Variants in KMO observed in about 807,000 individuals in gnomAD.
KMO encodes the protein kynurenine 3-monooxygenase.
A neutral mutation model predicts 57.8 loss-of-function variants in KMO; 24 were observed. The ratio of observed to expected loss-of-function variants is 0.42; its 90% CI spans 0.30 to 0.58. The LOEUF (loss-of-function observed/expected upper bound fraction) is 0.58, where lower values mean the gene tolerates loss of function less well. KMO is among the 20% of genes least tolerant of loss of function. The probability of loss-of-function intolerance (pLI) is 0.22; values close to 1 mark genes in which losing one functional copy is unlikely to be tolerated. For synonymous variants in KMO, 210 were observed against 193.6 expected, an observed-to-expected ratio of 1.08 and a Z score of -0.70; for missense variants, 483 against 588.2, an observed-to-expected ratio of 0.82 and a Z score of 1.85.
chr1:241,560,831 C>T (rs1661809832), intron 6 of KMO, 79 bp downstream of exon 6: 5 of 939,006 alleles, frequency 5.3e-6, no homozygotes, highest in African/African-American at 4.9e-5. Context: ...TGTTCTTTGG[C>T]TCTTTTGAAA....
chr1:241,543,013 C>T (rs1452059881), intron 1 of KMO, among the ~76,000 whole-genome samples: 1 of 152,130 alleles, frequency 6.6e-6, no homozygotes, highest in Non-Finnish European at 1.5e-5. Context: ...TTTATTTGAA[C>T]CTCCGTTACA....
At chr1:241,549,599 T>C (rs1027226181) in intron 2 of KMO, 78 bp from the exon 3 acceptor site, 4 of 797,898 alleles carry the variant, frequency 5.0e-6, no homozygotes, top group Non-Finnish European at 8.5e-6. Flanking sequence ...GAACCAGTTG[T>C]TCAGATGCAG....
intron 10 of KMO, among the ~76,000 whole-genome samples, chr1:241,574,658 A>G (rs1662438701): frequency 6.6e-6 from 1 of 151,532 alleles, no homozygotes; most frequent in African/African-American, 2.4e-5. Context: ...GTGCTGTTGG[A>G]TTTGGTTAGC....
Position 241,532,433 on chromosome 1 carries a change from A to G in KMO, c.-12A>G, listed in dbSNP as rs1660610840. On this transcript the variant is annotated 5_prime_UTR_variant, in exon 1 of 15. The change creates a new upstream start codon in the 5' untranslated region. Coordinates refer to ENST00000366559, the MANE Select transcript of KMO (RefSeq NM_003679.5). The stretch of plus-strand genomic sequence containing the variant: ...AGAAGCAACAATAATTGTGAAAAAT[A>G]CTTCAGCAGTTATGGACTCATCTGT... 1 of 1,612,388 alleles carries G rather than the reference A, an allele frequency of 6.2e-7. No individual in the cohort carries two copies. Among genetic ancestry groups the G allele is most frequent in the Non-Finnish European group, 8.5e-7 (1 of 1,179,416 alleles).
chr1:241,569,631 A>G (rs1007443792), intron 10 of KMO, among the ~76,000 whole-genome samples: 2 of 152,118 alleles, frequency 1.3e-5, no homozygotes, highest in Admixed American at 6.5e-5. Context: ...GAGTGCAGAT[A>G]TCTCTTCAAT....
At chr1:241,538,559 A>C (rs1660830090) in intron 1 of KMO, among the ~76,000 whole-genome samples, 1 of 152,252 alleles carries the variant, frequency 6.6e-6, no homozygotes, top group East Asian at 1.9e-4. Context: ...CTTTGAGATC[A>C]ACTAGAAGTA....
chr1:241,570,518 A>G (rs1662233911), intron 10 of KMO, among the ~76,000 whole-genome samples: 1 of 152,044 alleles, frequency 6.6e-6, no homozygotes, highest in Non-Finnish European at 1.5e-5. Context: ...TCCCAGCACC[A>G]TTTATTGAAG....
At chr1:241,563,846 C>CT (rs1420669911) in intron 7 of KMO, among the ~76,000 whole-genome samples, 19 of 151,948 alleles carry the variant, frequency 1.3e-4, no homozygotes, top group Admixed American at 9.8e-4. Flanking sequence ...TTCTTTGTGT[C>CT]TTTTTTTTCT....
Position 241,566,697 on chromosome 1 carries a change from GT to G in KMO, c.809+87del, listed in dbSNP as rs1662092882. 6 of 1,428,856 alleles carry G rather than the reference GT, an allele frequency of 4.2e-6. 1 individual carries two copies. In the South Asian group the frequency reaches 7.0e-5, roughly 17 times the overall value. The allele number at this position is 1,428,856 out of a possible 1,614,324, so 88.5% of individuals were successfully genotyped here. On this transcript the variant is annotated intron_variant, in intron 9 of 14. Coordinates refer to ENST00000366559, the MANE Select transcript of KMO (RefSeq NM_003679.5). ...GGTTATGCACCTGATTTCAGTTTGG[GT>G]TAAACACGATGGATCATGCAGTAAC...
chr1:241,579,017 T>C (rs1465736456), intron 10 of KMO, among the ~76,000 whole-genome samples: 1 of 152,132 alleles, frequency 6.6e-6, no homozygotes, highest in African/African-American at 2.4e-5. Context: ...GATTCAATTA[T>C]GTCCCACCAG....
At chr1:241,560,232 C>T (rs1198790709) in intron 5 of KMO, among the ~76,000 whole-genome samples, 1 of 152,162 alleles carries the variant, frequency 6.6e-6, no homozygotes, top group Non-Finnish European at 1.5e-5. Context: ...GTGACAACTT[C>T]AATCAGAATT....
At chr1:241,535,216 TAGAGGA>T (rs1660715725) in intron 1 of KMO, among the ~76,000 whole-genome samples, 1 of 152,132 alleles carries the variant, frequency 6.6e-6, no homozygotes, top group Non-Finnish European at 1.5e-5. Context: ...TGTCTTTACA[TAGAGGA>T]CAAGATTACA....
intron 6 of KMO, 36 bp from the exon 7 acceptor site, chr1:241,562,131 A>G: frequency 3.8e-6 from 6 of 1,591,782 alleles, no homozygotes; most frequent in Non-Finnish European, 5.2e-6. Flanking sequence ...ACCACTAGAC[A>G]TATTTTTCTT....
chr1:241,549,683 G>C lies in KMO; in HGVS notation c.131G>C (p.Arg44Pro). 6.2e-6 allele frequency: 10 copies of C among 1,610,388 alleles called. No individual in the cohort carries two copies. The highest frequency in any genetic ancestry group is 8.5e-6 in the Non-Finnish European group (10 of 1,176,926). ...IDVYEAREDT[R>P]VATFTRGRSI... The stretch of plus-strand genomic sequence containing the variant: ...TCTGCTTCCAATGTCTCAGATACTC[G>C]AGTGGCTACCTTCACACGTGGAAGA... Residue 44 changes from arginine (R) to proline (P), a missense_variant, in exon 3 of 15, where the codon CGA becomes CCA. By Grantham distance (103) the Arg-to-Pro change is moderately radical (BLOSUM62 -2). Around this residue, in one of 3 missense-constraint regions of KMO, gnomAD observed 70 missense variants for 78.4 expected, o/e 0.89. Coordinates refer to ENST00000366559, the MANE Select transcript of KMO (RefSeq NM_003679.5).
chr1:241,568,445 G>A (rs1662159940), intron 9 of KMO, 55 bp from the exon 10 acceptor site: 5 of 1,511,868 alleles, frequency 3.3e-6, no homozygotes, highest in South Asian at 2.4e-5. Context: ...AAAGAATTTA[G>A]CAGGATTTAA....
intron 10 of KMO, among the ~76,000 whole-genome samples, chr1:241,576,493 C>A (rs10802971): frequency 5.3e-5 from 8 of 151,852 alleles, no homozygotes; most frequent in South Asian, 2.1e-4. Flanking sequence ...CTGAAAATGC[C>A]TTTATCTCTC....
At chr1:241,549,296 GA>G (rs1412716137) in intron 2 of KMO, among the ~76,000 whole-genome samples, 77 of 112,242 alleles carry the variant, frequency 6.9e-4, no homozygotes, top group African/African-American at 2.1e-3. Context: ...AAAGGAGAAA[GA>G]GCAAGAAAGA....
chr1:241,584,218 G>A (rs920147387), intron 10 of KMO, among the ~76,000 whole-genome samples: 1 of 151,974 alleles, frequency 6.6e-6, no homozygotes, highest in Non-Finnish European at 1.5e-5. Flanking sequence ...CTATGAGTGA[G>A]AACATGAGGT....
At chr1:241,536,128 C>T (rs781679166) in intron 1 of KMO, among the ~76,000 whole-genome samples, 23 of 151,668 alleles carry the variant, frequency 1.5e-4, no homozygotes, top group Middle Eastern at 6.8e-3. Flanking sequence ...TTTTTTAACA[C>T]AATTATGTCA....
Sources: gnomAD v4.1 joint callset for allele counts (sites outside exome capture counted in the v4.1 genomes callset) on GRCh38, gnomAD v4.1.1 for gene constraint, gnomAD v4.1.1 regional missense constraint, MANE v1.5 for transcripts, NCBI Gene and HGNC (gene_info 2026-07-23, HGNC 2026-07-21) for gene names.